CA8: variants seen among roughly 807,000 people sequenced by gnomAD.
CA8 encodes the protein carbonic anhydrase-related protein.
CA8 carries 22 observed loss-of-function variants against 41.4 expected under a neutral mutation model. The ratio of observed to expected loss-of-function variants is 0.53; its 90% CI spans 0.38 to 0.76. The LOEUF is 0.76. CA8 is among the 30% of genes least tolerant of loss of function. The pLI is 0.00. For missense variants in CA8, 270 were observed against 352.8 expected, an observed-to-expected ratio of 0.77 and a Z score of 1.88; for synonymous variants, 121 against 130.6, an observed-to-expected ratio of 0.93 and a Z score of 0.50.
intron 6 of CA8, among the ~76,000 whole-genome samples, chr8:60,224,305 T>A (rs567260591): frequency 1.3e-5 from 2 of 152,238 alleles, no homozygotes; most frequent in African/African-American, 2.4e-5. Context: ...CAAATGACAA[T>A]CCTACGAAAG....
rs567710679 is a variant in CA8, at chr8:60,258,054, C to T, written c.417+7871G>A. Reference sequence around the variant, plus strand: ...TGAGTAGTGTGATGAAATCGCACGCCATGCTGCTACATCTCGCCCAGAGCA... The same window carrying T: ...TGAGTAGTGTGATGAAATCGCACGCTATGCTGCTACATCTCGCCCAGAGCA... On this transcript the variant is annotated intron_variant, in intron 3 of 8. Coordinates refer to ENST00000317995, the MANE Select transcript of CA8 (RefSeq NM_004056.6). 7.2e-5 allele frequency among the ~76,000 whole-genome samples: 11 copies of T among 152,304 alleles called. No individual in the cohort carries two copies. The East Asian group carries it at 2.1e-3, about 29-fold the overall frequency.
At chr8:60,218,656 G>A (rs1434166160) in intron 7 of CA8, among the ~76,000 whole-genome samples, 1 of 152,190 alleles carries the variant, frequency 6.6e-6, no homozygotes, top group Non-Finnish European at 1.5e-5. Flanking sequence ...CATAAAACAT[G>A]CTGTATGTTA....
chr8:60,231,594 C>T (rs577042406), intron 4 of CA8, among the ~76,000 whole-genome samples: 80 of 152,316 alleles, frequency 5.3e-4, no homozygotes, highest in Non-Finnish European at 1.0e-3. Context: ...GTCCTGATGG[C>T]AGCTTTAAAG....
At chr8:60,265,390 C>T (rs555764526) in intron 3 of CA8, 5 of 160,554 alleles carry the variant, frequency 3.1e-5, no homozygotes, top group Non-Finnish European at 6.8e-5. Flanking sequence ...ATTTCAACTG[C>T]GTATCAAAGA....
intron 8 of CA8, chr8:60,208,469 T>G: frequency 2.5e-6 from 1 of 395,470 alleles, no homozygotes; most frequent in East Asian, 5.8e-5. Flanking sequence ...TGTCACTTTT[T>G]CTGGGCCTGA....
intron 8 of CA8, among the ~76,000 whole-genome samples, chr8:60,192,600 C>T (rs760781346): frequency 2.0e-5 from 3 of 152,088 alleles, no homozygotes; most frequent in East Asian, 1.9e-4. Context: ...TTCCCAAGCT[C>T]CAGCCCAACA....
chr8:60,193,568 G>T (rs372769215), intron 8 of CA8, among the ~76,000 whole-genome samples: 1 of 152,190 alleles, frequency 6.6e-6, no homozygotes, highest in Non-Finnish European at 1.5e-5. Context: ...GTTTGACTAG[G>T]TAAGGAATTT....
At chr8:60,245,243 T>C (rs1808187571) in intron 3 of CA8, among the ~76,000 whole-genome samples, 1 of 151,612 alleles carries the variant, frequency 6.6e-6, no homozygotes, top group African/African-American at 2.4e-5. Flanking sequence ...AAAACAAATA[T>C]ATACATAAAG....
At chr8:60,190,938 C>CTATATA (rs35486936) in intron 8 of CA8, among the ~76,000 whole-genome samples, 3,703 of 117,348 alleles carry the variant, frequency 0.032, 377 homozygotes, top group African/African-American at 0.12. Context: ...CACACACACA[C>CTATATA]TATATATATA....
intron 7 of CA8, among the ~76,000 whole-genome samples, chr8:60,209,465 A>G (rs1275332223): frequency 6.6e-6 from 1 of 152,232 alleles, no homozygotes; most frequent in Non-Finnish European, 1.5e-5. Flanking sequence ...AGCCTGAGTG[A>G]CAGAGCCAGA....
chr8:60,214,465 C>T (rs1288778793), intron 7 of CA8, among the ~76,000 whole-genome samples: 1 of 152,178 alleles, frequency 6.6e-6, no homozygotes, highest in Non-Finnish European at 1.5e-5. Flanking sequence ...AAATCTCCAA[C>T]AAATGTTCCC....
chr8:60,241,088 C>T (rs990451437), intron 3 of CA8, among the ~76,000 whole-genome samples: 3 of 152,116 alleles, frequency 2.0e-5, no homozygotes, highest in African/African-American at 7.2e-5. Flanking sequence ...TGAAGCAGCC[C>T]ATTCATCAGC....
chr8:60,214,312 A>C (rs1035863141), intron 7 of CA8, among the ~76,000 whole-genome samples: 1 of 152,190 alleles, frequency 6.6e-6, no homozygotes, highest in Non-Finnish European at 1.5e-5. Context: ...CTCTTTCTTA[A>C]GGGCCTTAAT....
At chr8:60,228,477 T>C (rs547782084) in intron 4 of CA8, among the ~76,000 whole-genome samples, 22 of 152,284 alleles carry the variant, frequency 1.4e-4, no homozygotes, top group Admixed American at 1.3e-3. Flanking sequence ...TGTAAACTCT[T>C]TGAAGAGTCC....
Position 60,279,739 on chromosome 8 carries a change from T to G in CA8, c.242A>C (p.Glu81Ala). The G allele has an allele frequency of 6.2e-7, 1 of 1,614,174 alleles. No individual in the cohort carries two copies. The highest frequency in any genetic ancestry group is 8.5e-7 in the Non-Finnish European group (1 of 1,180,036). The change falls in exon 2 of 9, where the codon GAA (glutamate) becomes GCA (alanine). Residue 81 changes from glutamate to alanine, a missense_variant. Around this residue, in one of 3 missense-constraint regions of CA8, gnomAD observed 123 missense variants for 136.8 expected, o/e 0.90. Coordinates refer to ENST00000317995, the MANE Select transcript of CA8 (RefSeq NM_004056.6). ...SPNYVVCRDC[E>A]VTNDGHTIQV... ...AATGGTATGTCCATCATTGGTGACTTCACAGTCTCGGCACACCACATAATT... is the reference window on the plus strand; with the variant it reads ...AATGGTATGTCCATCATTGGTGACTGCACAGTCTCGGCACACCACATAATT...
At chr8:60,265,798 A>T in intron 3 of CA8, 127 bp downstream of exon 3, 3 of 1,074,834 alleles carry the variant, frequency 2.8e-6, no homozygotes, top group East Asian at 2.6e-5. Flanking sequence ...AGCATTTTTT[A>T]AATTTTAGTA....
intron 7 of CA8, among the ~76,000 whole-genome samples, chr8:60,219,432 A>C (rs1481427766): frequency 6.6e-6 from 1 of 152,210 alleles, no homozygotes; most frequent in African/African-American, 2.4e-5. Flanking sequence ...CTGGGATTAC[A>C]GGCATGAGCC....
At chr8:60,232,720 T>A in intron 3 of CA8, 2 of 363,052 alleles carry the variant, frequency 5.5e-6, no homozygotes, top group African/African-American at 2.1e-5. Flanking sequence ...ACTCCAGGTC[T>A]GGGCACAAAC....
At chr8:60,215,382 CA>C (rs1806983736) in intron 7 of CA8, among the ~76,000 whole-genome samples, 2 of 149,736 alleles carry the variant, frequency 1.3e-5, no homozygotes, top group African/African-American at 2.5e-5. Flanking sequence ...CACACACACA[CA>C]CCGGATCCCC....
Sources: gnomAD v4.1 joint callset for allele counts (sites outside exome capture counted in the v4.1 genomes callset) on GRCh38, gnomAD v4.1.1 for gene constraint, gnomAD v4.1.1 regional missense constraint, MANE v1.5 for transcripts, NCBI Gene and HGNC (gene_info 2026-07-23, HGNC 2026-07-21) for gene names.